ATXN1: variants seen among roughly 807,000 people sequenced by gnomAD.
ATXN1 encodes the protein ataxin-1.
Under a neutral mutation model 56.4 loss-of-function variants are expected in ATXN1, and 8 were observed. That is an observed-to-expected ratio of 0.14 (90% CI 0.08 to 0.26). The LOEUF (loss-of-function observed/expected upper bound fraction) is 0.26, where lower values mean the gene tolerates loss of function less well. Ranked by LOEUF, ATXN1 falls within the 10% of genes least tolerant of loss-of-function variation. ATXN1 has a pLI of 1.00. For synonymous variants in ATXN1, 514 were observed against 494.6 expected, an observed-to-expected ratio of 1.04 and a Z score of -0.52; for missense variants, 987 against 1,106.5, an observed-to-expected ratio of 0.89 and a Z score of 1.53.
intron 4 of ATXN1, among the ~76,000 whole-genome samples, chr6:16,562,449 A>T (rs1762136837): frequency 1.1e-5 from 1 of 89,142 alleles, no homozygotes; most frequent in Non-Finnish European, 2.2e-5. Context: ...AAGAAAAGAA[A>T]GAAAAGGAGA....
In ATXN1 at chr6:16,327,687, C is replaced by CTGCTGCTGCTGCTGCTGCTGA; in HGVS notation, c.623_624insTCAGCAGCAGCAGCAGCAGCA (p.Gln207_Gln208insHisGlnGlnGlnGlnGlnGln). Reference sequence around the variant, plus strand: ...GCTGCTGCTGCTGCTGATGCTGATGCTGCTGCTGCTGCTGCTGCTGCTGCT... The same window carrying CTGCTGCTGCTGCTGCTGCTGA: ...GCTGCTGCTGCTGCTGATGCTGATGCTGCTGCTGCTGCTGCTGCTGATGCTGCTGCTGCTGCTGCTGCTGCT... On this transcript the variant is annotated inframe_insertion, in exon 7 of 8. Coordinates refer to ENST00000436367, the MANE Select transcript of ATXN1 (RefSeq NM_001128164.2). 1 of 1,230,772 alleles carries CTGCTGCTGCTGCTGCTGCTGA rather than the reference C, an allele frequency of 8.1e-7. No individual in the cohort carries two copies. The highest frequency in any genetic ancestry group is 6.0e-5 in the East Asian group (1 of 16,764). 76.2% of individuals were successfully genotyped at this position (1,230,772 alleles called of 1,614,324 possible).
In ATXN1 at chr6:16,544,552, T is replaced by C. The variant is rs573507228; in HGVS notation, c.-360-21864A>G. On this transcript the variant is annotated intron_variant, in intron 4 of 7. Transcript: ENST00000436367. ...ATTCAATTCTCTGAGTCTATGACCC[T>C]ACATCTGGGATGCTGTGGGGTGCTT... 2.2e-4 allele frequency among the ~76,000 whole-genome samples: 34 copies of C among 152,350 alleles called. 1 individual carries two copies. In the South Asian group the frequency reaches 6.2e-3, roughly 28 times the overall value.
At chr6:16,726,963 T>C (rs1210250322) in intron 2 of ATXN1, among the ~76,000 whole-genome samples, 1 of 152,234 alleles carries the variant, frequency 6.6e-6, no homozygotes, top group Non-Finnish European at 1.5e-5. Context: ...TACTACTTTC[T>C]GGATCTGGGC....
At chr6:16,436,797 G>T (rs1759401559) in intron 6 of ATXN1, among the ~76,000 whole-genome samples, 2 of 152,164 alleles carry the variant, frequency 1.3e-5, no homozygotes, top group Non-Finnish European at 2.9e-5. Flanking sequence ...AGAGGCACTG[G>T]AGGGTTTTGA....
intron 2 of ATXN1, among the ~76,000 whole-genome samples, chr6:16,663,228 C>T (rs1454182076): frequency 1.1e-4 from 16 of 152,094 alleles, no homozygotes; most frequent in South Asian, 8.3e-4. Context: ...CTCGGCCTCC[C>T]GAAGTGCTAG....
At chr6:16,631,942 A>G (rs1000382340) in intron 3 of ATXN1, among the ~76,000 whole-genome samples, 2 of 152,236 alleles carry the variant, frequency 1.3e-5, no homozygotes, top group African/African-American at 4.8e-5. Context: ...TTTAGAATCC[A>G]TGCTCCACTG....
chr6:16,515,452 C>T lies in ATXN1; in HGVS notation c.-299+7175G>A, dbSNP rs185268852. Among the ~76,000 whole-genome samples, 28 of 152,166 alleles carry T rather than the reference C, an allele frequency of 1.8e-4. No homozygotes were observed. The East Asian group carries it at 2.7e-3, about 15-fold the overall frequency. On this transcript the variant is annotated intron_variant, in intron 5 of 7. Coordinates refer to ENST00000436367, the MANE Select transcript of ATXN1 (RefSeq NM_001128164.2). Reference sequence around the variant, plus strand: ...CCCCAAACCACAAACCAACAAGAAGCACCGTGTCCTGGGAATCTGTCAGTG... The same window carrying T: ...CCCCAAACCACAAACCAACAAGAAGTACCGTGTCCTGGGAATCTGTCAGTG...
intron 6 of ATXN1, among the ~76,000 whole-genome samples, chr6:16,456,822 C>A (rs1281819562): frequency 3.3e-5 from 5 of 152,124 alleles, no homozygotes; most frequent in African/African-American, 1.2e-4. Context: ...TCTTTAGGCA[C>A]CCAGGCTCAC....
chr6:16,453,513 G>C (rs1050489287), intron 6 of ATXN1, among the ~76,000 whole-genome samples: 3 of 152,272 alleles, frequency 2.0e-5, no homozygotes, highest in Non-Finnish European at 4.4e-5. Context: ...TCTAAGAATT[G>C]CTCTGAGGAT....
intron 6 of ATXN1, among the ~76,000 whole-genome samples, chr6:16,418,224 T>C (rs947736358): frequency 6.6e-6 from 1 of 152,222 alleles, no homozygotes; most frequent in Non-Finnish European, 1.5e-5. Context: ...AGATGCACTG[T>C]CTCAAACTAT....
chr6:16,743,859 G>T (rs369556692), intron 2 of ATXN1, among the ~76,000 whole-genome samples: 3 of 152,116 alleles, frequency 2.0e-5, no homozygotes, highest in South Asian at 4.1e-4. Flanking sequence ...GAGGAAGTGC[G>T]ATGGGACCGA....
intron 6 of ATXN1, among the ~76,000 whole-genome samples, chr6:16,345,355 C>T (rs931833072): frequency 1.3e-5 from 2 of 152,098 alleles, no homozygotes; most frequent in Non-Finnish European, 2.9e-5. Context: ...ATCCAATTAT[C>T]CAAAACTAAT....
intron 3 of ATXN1, among the ~76,000 whole-genome samples, chr6:16,605,251 T>A (rs948285032): frequency 6.6e-6 from 1 of 152,174 alleles, no homozygotes; most frequent in Non-Finnish European, 1.5e-5. Flanking sequence ...ATGTTCAGGC[T>A]CCCTATTTTG....
chr6:16,586,399 C>T (rs1476563809), intron 3 of ATXN1, among the ~76,000 whole-genome samples: 1 of 152,212 alleles, frequency 6.6e-6, no homozygotes, highest in Non-Finnish European at 1.5e-5. Context: ...ACTTTTGAAA[C>T]TACACATGCC....
At chr6:16,666,321 CT>C (rs1303837841) in intron 2 of ATXN1, among the ~76,000 whole-genome samples, 1 of 152,148 alleles carries the variant, frequency 6.6e-6, no homozygotes, top group Non-Finnish European at 1.5e-5. Context: ...GAATTTCATT[CT>C]TTTGTATGGC....
chr6:16,383,077 T>A (rs1437546528), intron 6 of ATXN1, among the ~76,000 whole-genome samples: 2 of 152,164 alleles, frequency 1.3e-5, no homozygotes, highest in East Asian at 3.9e-4. Context: ...GCTGTTCTTA[T>A]GTTCCCCACT....
At chr6:16,491,533 G>A (rs1460082205) in intron 5 of ATXN1, among the ~76,000 whole-genome samples, 2 of 151,902 alleles carry the variant, frequency 1.3e-5, no homozygotes, top group Admixed American at 6.6e-5. Context: ...CTGGCCTCAA[G>A]TGATCCACCT....
chr6:16,470,278 C>G (rs565775582), intron 6 of ATXN1, among the ~76,000 whole-genome samples: 1 of 152,078 alleles, frequency 6.6e-6, no homozygotes, highest in African/African-American at 2.4e-5. Context: ...TTACAGTAGT[C>G]AAAATAATAG....
intron 2 of ATXN1, among the ~76,000 whole-genome samples, chr6:16,662,233 T>C (rs942786314): frequency 2.0e-5 from 3 of 152,238 alleles, no homozygotes; most frequent in Non-Finnish European, 4.4e-5. Context: ...CCATTTTTCC[T>C]ACTTTAGGTG....
Sources: gnomAD v4.1 joint callset for allele counts (sites outside exome capture counted in the v4.1 genomes callset) on GRCh38, gnomAD v4.1.1 for gene constraint, MANE v1.5 for transcripts, NCBI Gene and HGNC (gene_info 2026-07-23, HGNC 2026-07-21) for gene names.